PGGT1B: variants seen among roughly 807,000 people sequenced by gnomAD.
The protein encoded by PGGT1B is geranylgeranyl transferase type-1 subunit beta.
In PGGT1B, 30 loss-of-function variants were observed where a neutral mutation model predicts 46.1. The observed-to-expected ratio is 0.65, with a 90% confidence interval of 0.49 to 0.88. PGGT1B has a LOEUF of 0.88. Ranked by LOEUF, PGGT1B falls within the 40% of genes least tolerant of loss-of-function variation. The pLI is 0.00. For missense variants in PGGT1B, 376 were observed against 455.9 expected (o/e 0.82, Z 1.60); for synonymous variants, 170 against 160.0 (o/e 1.06, Z -0.47).
intron 8 of PGGT1B, among the ~76,000 whole-genome samples, chr5:115,214,652 A>T (rs1472256524): frequency 1.3e-5 from 2 of 152,208 alleles, no homozygotes; most frequent in Non-Finnish European, 2.9e-5. Flanking sequence ...TAAGTAGTAC[A>T]TCCAAATATT....
At chr5:115,236,822 C>T (rs1757197241) in intron 4 of PGGT1B, among the ~76,000 whole-genome samples, 1 of 152,078 alleles carries the variant, frequency 6.6e-6, no homozygotes, top group Non-Finnish European at 1.5e-5. Context: ...TTGATCCTAG[C>T]CAGGGACAGC....
intron 7 of PGGT1B, among the ~76,000 whole-genome samples, chr5:115,219,364 A>C (rs1295480119): frequency 6.6e-6 from 1 of 151,904 alleles, no homozygotes; most frequent in Non-Finnish European, 1.5e-5. Context: ...CAGTCTTTTC[A>C]ACAAATGGTG....
At chr5:115,231,350 T>G (rs1756978175) in intron 5 of PGGT1B, among the ~76,000 whole-genome samples, 3 of 151,972 alleles carry the variant, frequency 2.0e-5, no homozygotes, top group African/African-American at 4.8e-5. Flanking sequence ...ATACGTGAGC[T>G]GGAGGAAAAT....
At chr5:115,217,085 G>C in intron 7 of PGGT1B, 112 bp from the exon 8 acceptor site, 2 of 634,388 alleles carry the variant, frequency 3.2e-6, no homozygotes, top group Non-Finnish European at 5.7e-6. Context: ...AAGGTGCTCA[G>C]ACCAAGTCTC....
intron 6 of PGGT1B, among the ~76,000 whole-genome samples, chr5:115,224,800 C>T (rs1488669888): frequency 6.7e-6 from 1 of 150,194 alleles, no homozygotes. Context: ...CTTGACTGCA[C>T]CCCAGCCTGG....
Position 115,224,840 on chromosome 5 carries a change from A to C in PGGT1B, c.659-2832T>G, listed in dbSNP as rs1004177985. 3.9e-5 allele frequency among the ~76,000 whole-genome samples: 6 copies of C among 151,940 alleles called. 2 individuals are homozygous for C. Among genetic ancestry groups the C allele is most frequent in the Admixed American group, 2.0e-4 (3 of 15,256 alleles). ...CAGAGAGAGACTATGTCTCAAAAAA[A>C]AAAAAAAAAAAGTAGTAGTATGTTA... On this transcript the variant is annotated intron_variant, in intron 6 of 8. Coordinates refer to ENST00000419445, the MANE Select transcript of PGGT1B (RefSeq NM_005023.4).
At chr5:115,238,469 G>C (rs540882713) in intron 3 of PGGT1B, among the ~76,000 whole-genome samples, 1 of 151,292 alleles carries the variant, frequency 6.6e-6, no homozygotes, top group Non-Finnish European at 1.5e-5. Flanking sequence ...ACCATGCCTG[G>C]CTAAATTATT....
chr5:115,234,137 A>G (rs1757092936), intron 5 of PGGT1B, among the ~76,000 whole-genome samples: 1 of 149,008 alleles, frequency 6.7e-6, no homozygotes, highest in Non-Finnish European at 1.5e-5. Context: ...CTCTGAACTG[A>G]TAAGGAGTAA....
intron 1 of PGGT1B, chr5:115,262,398 T>C: frequency 2.8e-6 from 1 of 352,872 alleles, no homozygotes; most frequent in South Asian, 3.8e-5. Context: ...CCTTTTCCTT[T>C]TACACTCGGA....
At chr5:115,247,786 TAG>T (rs1747917509) in intron 2 of PGGT1B, among the ~76,000 whole-genome samples, 1 of 152,180 alleles carries the variant, frequency 6.6e-6, no homozygotes, top group South Asian at 2.1e-4. Flanking sequence ...TCACAGAGAT[TAG>T]AGACTTAATA....
Position 115,212,228 on chromosome 5 carries a change from T to G in PGGT1B, c.*174A>C. 5.1e-6 allele frequency: 6 copies of G among 1,172,140 alleles called. No homozygotes were observed. Among genetic ancestry groups the G allele is most frequent in the Non-Finnish European group, 6.9e-6 (6 of 869,730 alleles). 72.6% of individuals were successfully genotyped at this position (1,172,140 alleles called of 1,614,324 possible). ...GTTCAAACTTCAACAAAGATTTTCT[T>G]GAAACCCAGTATAAAGATTACTGGC... is the stretch of plus-strand genomic sequence containing the variant. On this transcript the variant is annotated 3_prime_UTR_variant, in exon 9 of 9. Transcript: ENST00000419445.
intron 3 of PGGT1B, among the ~76,000 whole-genome samples, 168 bp from the exon 4 acceptor site, chr5:115,238,177 A>G (rs1205849236): frequency 6.6e-6 from 1 of 151,994 alleles, no homozygotes; most frequent in Non-Finnish European, 1.5e-5. Flanking sequence ...GTATGTCTCA[A>G]TATGAATATG....
chr5:115,207,612 A>G lies in PGGT1B; in HGVS notation c.*4790T>C, dbSNP rs1190697313. ...CAAAGTATGCACTTGTGTCTGGTGAAGCCTACTGATATTTTTATGTAAATT... is the reference window on the plus strand; with the variant it reads ...CAAAGTATGCACTTGTGTCTGGTGAGGCCTACTGATATTTTTATGTAAATT... On this transcript the variant is annotated 3_prime_UTR_variant, in exon 9 of 9. Coordinates refer to ENST00000419445, the MANE Select transcript of PGGT1B (RefSeq NM_005023.4). 6.6e-6 allele frequency: 1 copy of G among 152,046 alleles called. No individual in the cohort carries two copies. The highest frequency in any genetic ancestry group is 1.5e-5 in the Non-Finnish European group (1 of 67,928). The allele number at this position is 152,046 out of a possible 1,614,324, so 9.4% of individuals were successfully genotyped here.
chr5:115,246,313 G>A (rs62383168), intron 2 of PGGT1B, among the ~76,000 whole-genome samples: 47,433 of 149,414 alleles, frequency 0.32, 8,710 homozygotes, highest in East Asian at 0.52. Flanking sequence ...CCAAGATTGC[G>A]CCACTGCACT....
In PGGT1B at chr5:115,216,448, G is replaced by A. The variant is rs567996037; in HGVS notation, c.952+417C>T. Among the ~76,000 whole-genome samples, 8 of 152,230 alleles carry A rather than the reference G, an allele frequency of 5.3e-5. No individual in the cohort carries two copies. In the East Asian group the frequency reaches 1.5e-3, roughly 29 times the overall value. ...AGCCACTGTGCCCGGCCTATTTAAT[G>A]ACTTCTGAAAAGAGTAAGAACTGAT... On this transcript the variant is annotated intron_variant, in intron 8 of 8. Coordinates refer to ENST00000419445, the MANE Select transcript of PGGT1B (RefSeq NM_005023.4).
At chr5:115,251,991 G>T (rs923251796) in intron 2 of PGGT1B, among the ~76,000 whole-genome samples, 1 of 152,034 alleles carries the variant, frequency 6.6e-6, no homozygotes, top group African/African-American at 2.4e-5. Context: ...CTAGGACTAA[G>T]ACGTGGCCTC....
chr5:115,241,316 T>C (rs1042818178), intron 3 of PGGT1B, among the ~76,000 whole-genome samples: 5 of 152,338 alleles, frequency 3.3e-5, no homozygotes, highest in Non-Finnish European at 7.3e-5. Context: ...GTTTATGTAC[T>C]GCATGTATTC....
chr5:115,236,061 G>A (rs265442), intron 5 of PGGT1B, among the ~76,000 whole-genome samples: 3 of 151,908 alleles, frequency 2.0e-5, no homozygotes, highest in South Asian at 2.1e-4. Context: ...TCCAGTTTGC[G>A]TGTCAGGACT....
chr5:115,257,929 T>A (rs1373144476), intron 1 of PGGT1B, among the ~76,000 whole-genome samples: 1 of 152,218 alleles, frequency 6.6e-6, no homozygotes, highest in Non-Finnish European at 1.5e-5. Context: ...GATGCTGCCA[T>A]AATACTTCGA....
Sources: allele counts gnomAD v4.1 joint callset (sites outside exome capture counted in the v4.1 genomes callset), GRCh38; gene constraint gnomAD v4.1.1; transcripts MANE v1.5; gene names NCBI Gene and HGNC (gene_info 2026-07-23, HGNC 2026-07-21).